The following DNAH5 variants were observed in gnomAD, a reference collection of about 807,000 sequenced individuals.
The protein encoded by DNAH5 is dynein axonemal heavy chain 5.
A neutral mutation model predicts 518.2 loss-of-function variants in DNAH5; 372 were observed. The ratio of observed to expected loss-of-function variants is 0.72; its 90% CI spans 0.66 to 0.78. The LOEUF (loss-of-function observed/expected upper bound fraction) is 0.78. Among genes scored for constraint, DNAH5 ranks in the 30% least tolerant of loss-of-function variants. DNAH5 has a pLI of 0.00. For synonymous variants in DNAH5, 2,039 were observed against 2,025.9 expected, an observed-to-expected ratio of 1.01 and a Z score of -0.17; for missense variants, 5,523 against 5,687.0, an observed-to-expected ratio of 0.97 and a Z score of 0.93.
At chr5:13,831,929 T>C (rs995723217) in intron 35 of DNAH5, among the ~76,000 whole-genome samples, 5 of 152,084 alleles carry the variant, frequency 3.3e-5, no homozygotes, top group Admixed American at 6.5e-5. Flanking sequence ...CCACAGAGAT[T>C]GAGTGACTTT....
rs889331242 is a variant in DNAH5, at chr5:13,718,819, T to A, written c.12499+63A>T. On this transcript the variant is annotated intron_variant, in intron 72 of 78. Coordinates refer to ENST00000265104, the MANE Select transcript of DNAH5 (RefSeq NM_001369.3). Reference sequence around the variant, plus strand: ...GTATCCTAGCTAATCCTTTTATAATTTTTTTAGGAAAACAATTTAAGTAAG... The same window carrying A: ...GTATCCTAGCTAATCCTTTTATAATATTTTTAGGAAAACAATTTAAGTAAG... 1.5e-5 allele frequency: 21 copies of A among 1,400,688 alleles called. No individual in the cohort carries two copies. In the African/African-American group the frequency reaches 2.3e-4, roughly 15 times the overall value. The allele number at this position is 1,400,688 out of a possible 1,614,324, so 86.8% of individuals were successfully genotyped here.
intron 1 of DNAH5, among the ~76,000 whole-genome samples, chr5:13,978,497 T>C (rs572904513): frequency 2.6e-5 from 4 of 152,358 alleles, no homozygotes; most frequent in South Asian, 2.1e-4. Context: ...TGTGTGTCTA[T>C]GTGTATATAT....
intron 52 of DNAH5, among the ~76,000 whole-genome samples, chr5:13,784,403 T>G (rs892985035): frequency 6.6e-6 from 1 of 152,196 alleles, no homozygotes; most frequent in African/African-American, 2.4e-5. Flanking sequence ...AGCTCATAAT[T>G]CGGTACAGAT....
At chr5:13,785,214 T>C (rs116753914) in intron 52 of DNAH5, among the ~76,000 whole-genome samples, 2,802 of 151,890 alleles carry the variant, frequency 0.018, 73 homozygotes, top group African/African-American at 0.061. Flanking sequence ...AGCGTGCAAC[T>C]AGATCCTTCA....
At chr5:13,805,048 C>A (rs1026032379) in intron 47 of DNAH5, among the ~76,000 whole-genome samples, 3 of 152,052 alleles carry the variant, frequency 2.0e-5, no homozygotes, top group African/African-American at 7.2e-5. Context: ...AGTCTTTAAA[C>A]CCTGGAAATT....
intron 75 of DNAH5, among the ~76,000 whole-genome samples, chr5:13,713,544 G>A (rs991857486): frequency 9.4e-5 from 14 of 148,508 alleles, no homozygotes; most frequent in South Asian, 4.3e-4. Context: ...CATTTGGAGC[G>A]ATCTGGATGA....
chr5:13,740,698 G>A (rs1377982635), intron 65 of DNAH5, among the ~76,000 whole-genome samples: 2 of 152,138 alleles, frequency 1.3e-5, no homozygotes, highest in African/African-American at 2.4e-5. Context: ...CAGGGCCTCT[G>A]CATTAGCTGC....
chr5:13,894,564 T>C (rs1773669797), intron 16 of DNAH5, 86 bp downstream of exon 16: 2 of 1,411,394 alleles, frequency 1.4e-6, no homozygotes, highest in African/African-American at 1.4e-5. Flanking sequence ...ATTATTTATA[T>C]CTCCATATTG....
intron 41 of DNAH5, among the ~76,000 whole-genome samples, chr5:13,817,965 T>C (rs1761681888): frequency 6.6e-6 from 1 of 152,220 alleles, no homozygotes; most frequent in Non-Finnish European, 1.5e-5. Context: ...ATGAAGGTAC[T>C]AATATAATCT....
intron 68 of DNAH5, among the ~76,000 whole-genome samples, chr5:13,730,130 T>G (rs951925756): frequency 6.6e-6 from 1 of 151,748 alleles, no homozygotes; most frequent in African/African-American, 2.4e-5. Context: ...GTGTCACTTA[T>G]GCCTGTGGTT....
At position 13,769,178 on chromosome 5, in the gene DNAH5, T is replaced by G. The variant is rs768827793; in HGVS notation, c.9721-42A>C. 14 of 1,598,402 alleles carry G rather than the reference T, an allele frequency of 8.8e-6. No individual in the cohort carries two copies. The South Asian group carries it at 1.4e-4, about 16-fold the overall frequency. On this transcript the variant is annotated intron_variant, in intron 57 of 78. Coordinates refer to ENST00000265104, the MANE Select transcript of DNAH5 (RefSeq NM_001369.3). ...CAAGCAATACTTCACCAAACAGTAT[T>G]AAACATCCAGCTGAAAATGCACATT...
intron 35 of DNAH5, among the ~76,000 whole-genome samples, chr5:13,833,857 A>G (rs78237657): frequency 0.012 from 1,763 of 152,334 alleles, 30 homozygotes; most frequent in African/African-American, 0.04. Context: ...ATGTTATCAT[A>G]TTATAATAGC....
In DNAH5 at chr5:13,882,924, T is replaced by G. The variant is rs367835771; in HGVS notation, c.3154A>C (p.Ser1052Arg). ...CCCACCTTGGACAACAGTTCACTGC[T>G]CCACTGTCTGACCCCCTTAGGGACA... ...ISVPKGVRQW[S>R]SELLSKKKIQ... is the part of the protein sequence containing the mutation. Residue 1052 changes from serine to arginine, a missense_variant, in exon 20 of 79, where the codon AGC becomes CGC. Around this residue, in one of 3 missense-constraint regions of DNAH5, gnomAD observed 5,121 missense variants for 5,223.3 expected, o/e 0.98. Transcript: ENST00000265104. The G allele has an allele frequency of 1.3e-5, 21 of 1,614,060 alleles. No homozygotes were observed. The highest frequency in any genetic ancestry group is 1.7e-5 in the Non-Finnish European group (20 of 1,180,022).
rs1253748219 is a variant in DNAH5, at chr5:13,841,096, C to T, written c.5519G>A (p.Arg1840Gln). The change falls in exon 34 of 79, where the codon CGG (arginine) becomes CAG (glutamine). Residue 1840 changes from arginine (R) to glutamine (Q), a missense_variant. Coordinates refer to ENST00000265104, the MANE Select transcript of DNAH5 (RefSeq NM_001369.3). ...ATTTCTAAGGGCTTCTTCTGAATCCCGTGTCCATATCATCTGAATTCCTAA... is the reference window on the plus strand; with the variant it reads ...ATTTCTAAGGGCTTCTTCTGAATCCTGTGTCCATATCATCTGAATTCCTAA... ...GLLGIQMIWTRDSEEALRNAK... is the reference protein window; with the variant it reads ...GLLGIQMIWTQDSEEALRNAK... 3.1e-6 allele frequency: 5 copies of T among 1,613,904 alleles called. No individual in the cohort carries two copies. The highest frequency in any genetic ancestry group is 1.1e-5 in the South Asian group (1 of 91,070).
In DNAH5 at chr5:13,781,077, G is replaced by A. The variant is rs189996166; in HGVS notation, c.8821-118C>T. ...ATTTTGGAAGATATAGGTGTCTCAA[G>A]ATCAGACTGGAGACACACTGGTTGA... is the stretch of plus-strand genomic sequence containing the variant. On this transcript the variant is annotated intron_variant, in intron 52 of 78. Coordinates refer to ENST00000265104, the MANE Select transcript of DNAH5 (RefSeq NM_001369.3). 2.3e-5 allele frequency: 27 copies of A among 1,154,968 alleles called. No individual in the cohort carries two copies. The Admixed American group carries it at 3.1e-4, about 13-fold the overall frequency. The allele number at this position is 1,154,968 out of a possible 1,614,324, so 71.5% of individuals were successfully genotyped here. A position where few individuals can be genotyped will look rare whatever the true frequency, so the allele number is the denominator to read the frequency against.
intron 31 of DNAH5, 21 bp from the exon 32 acceptor site, chr5:13,845,014 T>C: frequency 6.6e-7 from 1 of 1,512,740 alleles, no homozygotes; most frequent in Non-Finnish European, 9.1e-7. Flanking sequence ...AGGAAAAACA[T>C]AAACCTTTAT....
Position 13,841,947 on chromosome 5 carries a change from A to G in DNAH5, c.5272-43T>C, listed in dbSNP as rs375476801. The G allele has an allele frequency of 1.6e-5, 19 of 1,221,322 alleles. No homozygotes were observed. In the African/African-American group the frequency reaches 2.9e-4, roughly 19 times the overall value. The allele number at this position is 1,221,322 out of a possible 1,614,324, so 75.7% of individuals were successfully genotyped here. ...AAAAAAAAAAAAAAAAGCTATAGTCATATAAAAAGTAAAAACTAATTATTG... is the reference window on the plus strand; with the variant it reads ...AAAAAAAAAAAAAAAAGCTATAGTCGTATAAAAAGTAAAAACTAATTATTG... On this transcript the variant is annotated intron_variant, in intron 32 of 78. Coordinates refer to ENST00000265104, the MANE Select transcript of DNAH5 (RefSeq NM_001369.3).
intron 56 of DNAH5, 50 bp downstream of exon 56, chr5:13,770,699 G>A (rs745605684): frequency 1.9e-6 from 3 of 1,548,290 alleles, no homozygotes; most frequent in South Asian, 2.3e-5. Flanking sequence ...TCTGTCCCTG[G>A]TTGAGAGCCA....
At chr5:13,765,033 C>T (rs1276132531) in intron 59 of DNAH5, among the ~76,000 whole-genome samples, 7 of 152,152 alleles carry the variant, frequency 4.6e-5, no homozygotes, top group Admixed American at 3.9e-4. Flanking sequence ...TGACTACCAT[C>T]TGTGTTTTTG....
Sources: allele counts gnomAD v4.1 joint callset (sites outside exome capture counted in the v4.1 genomes callset), GRCh38; gene constraint gnomAD v4.1.1; regional missense constraint gnomAD v4.1.1; transcripts MANE v1.5; gene names NCBI Gene and HGNC (gene_info 2026-07-23, HGNC 2026-07-21).